Variants in PKD1L1 observed in about 807,000 individuals in gnomAD.
PKD1L1 encodes the protein polycystin 1 like 1, transient receptor potential channel interacting, also known as polycystin-1-like protein 1.
Under a neutral mutation model 323.4 loss-of-function variants are expected in PKD1L1, and 236 were observed. The observed-to-expected ratio is 0.73, with a 90% CI of 0.66 to 0.81. PKD1L1 has a LOEUF of 0.81. Ranked by LOEUF, PKD1L1 falls within the 40% of genes least tolerant of loss-of-function variation. The pLI is 0.00. For synonymous variants in PKD1L1, 1,344 were observed against 1,335.0 expected (o/e 1.01, Z -0.15); for missense variants, 3,320 against 3,508.0 (o/e 0.95, Z 1.35).
intron 54 of PKD1L1, 94 bp downstream of exon 54, chr7:47,800,555 G>A: frequency 7.9e-7 from 1 of 1,273,632 alleles, no homozygotes; most frequent in Middle Eastern, 2.1e-4. Context: ...GGCCTGTGTT[G>A]CCTGGCCCTG....
intron 52 of PKD1L1, 144 bp from the exon 53 acceptor site, chr7:47,803,488 G>A: frequency 1.2e-6 from 1 of 862,886 alleles, no homozygotes; most frequent in East Asian, 2.6e-5. Context: ...GACATCAAGT[G>A]CAGATGTCTG....
At chr7:47,787,568 T>C (rs564240348) in intron 56 of PKD1L1, among the ~76,000 whole-genome samples, 2 of 152,186 alleles carry the variant, frequency 1.3e-5, no homozygotes, top group African/African-American at 2.4e-5. Context: ...CAATAGTGTG[T>C]GTTGTGTATA....
intron 30 of PKD1L1, among the ~76,000 whole-genome samples, chr7:47,854,588 T>C (rs998244826): frequency 5.9e-5 from 9 of 152,066 alleles, no homozygotes; most frequent in African/African-American, 1.9e-4. Context: ...TAAAAAAAAA[T>C]CTTGCTCAGA....
intron 11 of PKD1L1, among the ~76,000 whole-genome samples, 182 bp from the exon 12 acceptor site, chr7:47,904,799 T>C (rs1257742018): frequency 1.3e-5 from 2 of 152,096 alleles, no homozygotes; most frequent in Non-Finnish European, 2.9e-5. Context: ...GGGGTTGATA[T>C]TTTTGACTAC....
chr7:47,846,866 A>G lies in PKD1L1; in HGVS notation c.5153+13T>C, dbSNP rs779751551. The G allele has an allele frequency of 6.3e-7, 1 of 1,587,122 alleles. No homozygotes were observed. Reference sequence around the variant, plus strand: ...ACTAAAAATCTCAGATTCTTTCTCAAATGTGTCTATACCTGCAGTTCACTT... The same window carrying G: ...ACTAAAAATCTCAGATTCTTTCTCAGATGTGTCTATACCTGCAGTTCACTT... On this transcript the variant is annotated intron_variant, in intron 32 of 56. Transcript: ENST00000289672.
At chr7:47,831,849 G>A (rs2128735529) in intron 41 of PKD1L1, among the ~76,000 whole-genome samples, 1 of 152,312 alleles carries the variant, frequency 6.6e-6, no homozygotes, top group South Asian at 2.1e-4. Flanking sequence ...GGCTGACCTG[G>A]AATCTGAGGG....
Position 47,898,030 on chromosome 7 carries a change from C to T in PKD1L1, c.2229G>A (p.Pro743=), listed in dbSNP as rs574158839. Residue 743 remains proline, a synonymous_variant, in exon 14 of 57, where the codon CCG becomes CCA. Transcript: ENST00000289672. ...AGTTCCCATACTCCAAGGTGTGGCT[C>T]GGGAGGATGAGGGTCTGTCTGTGAG... ...VDTHRQTLIL[P]SHTLEYGNYT... 4.0e-5 allele frequency: 65 copies of T among 1,613,026 alleles called. No individual in the cohort carries two copies. The highest frequency in any genetic ancestry group is 2.7e-4 in the Admixed American group (16 of 59,988).
chr7:47,793,263 T>C (rs1786995312), intron 55 of PKD1L1, among the ~76,000 whole-genome samples: 1 of 152,194 alleles, frequency 6.6e-6, no homozygotes, highest in African/African-American at 2.4e-5. Flanking sequence ...CCTTACTGGA[T>C]GATGCTTAAA....
chr7:47,879,469 T>TA (rs1786482434), intron 21 of PKD1L1, among the ~76,000 whole-genome samples: 1 of 151,624 alleles, frequency 6.6e-6, no homozygotes, highest in South Asian at 2.1e-4. Flanking sequence ...CCCACTCTAC[T>TA]AAAAATACAA....
chr7:47,837,374 C>T (rs1785481522), intron 36 of PKD1L1, among the ~76,000 whole-genome samples: 3 of 152,168 alleles, frequency 2.0e-5, no homozygotes, highest in African/African-American at 7.2e-5. Context: ...GCTGCTCCTC[C>T]TTCAGCCTTC....
intron 13 of PKD1L1, among the ~76,000 whole-genome samples, chr7:47,901,343 A>G (rs184946469): frequency 0.019 from 2,805 of 151,208 alleles, 26 homozygotes; most frequent in Non-Finnish European, 0.028. Flanking sequence ...AAAAAAAAAA[A>G]AAAAAGAAAA....
chr7:47,842,149 A>G (rs1785574806), intron 34 of PKD1L1, among the ~76,000 whole-genome samples: 2 of 152,186 alleles, frequency 1.3e-5, no homozygotes, highest in Non-Finnish European at 2.9e-5. Context: ...GAACATTCCT[A>G]TGTGTATGCA....
At chr7:47,796,486 T>A (rs1366943732) in intron 54 of PKD1L1, among the ~76,000 whole-genome samples, 1 of 152,200 alleles carries the variant, frequency 6.6e-6, no homozygotes, top group Non-Finnish European at 1.5e-5. Context: ...GGTGAACCAT[T>A]CTGAGCTGTG....
At chr7:47,960,404 A>AAAAAAAAAAAAAAAAAAAAACT in the PKD1L1 span, among the ~76,000 whole-genome samples, 1 of 147,072 alleles carries the variant, frequency 6.8e-6, no homozygotes, top group Admixed American at 6.7e-5. Flanking sequence ...ACTGTAAAAA[A>AAAAAAAAAAAAAAAAAAAAACT]GAAAAAAAAA....
rs768067457 is a variant in PKD1L1 at position 47,840,617 on chromosome 7, C to G, written c.5446-50G>C. On this transcript the variant is annotated intron_variant, in intron 34 of 56. Transcript: ENST00000289672. The surrounding 1 kb of genome is among the most constrained non-coding windows in gnomAD (Gnocchi z 4.1). Reference sequence around the variant, plus strand: ...AACTCAGGCTATTTCACAGCAGACACCATGCAATGCTGGGCAGGGCTTCCT... The same window carrying G: ...AACTCAGGCTATTTCACAGCAGACAGCATGCAATGCTGGGCAGGGCTTCCT... 1 of 1,376,178 alleles carries G rather than the reference C, an allele frequency of 7.3e-7. No homozygotes were observed. The allele number at this position is 1,376,178 out of a possible 1,614,324, so 85.2% of individuals were successfully genotyped here.
At chr7:47,877,267 A>G (rs999149223) in intron 22 of PKD1L1, among the ~76,000 whole-genome samples, 3 of 152,098 alleles carry the variant, frequency 2.0e-5, no homozygotes, top group African/African-American at 7.2e-5. Context: ...TCTTTGTGAA[A>G]TTCTGAACCT....
chr7:47,809,597 C>A lies in PKD1L1; in HGVS notation c.7582-20G>T. The A allele has an allele frequency of 6.6e-7, 1 of 1,512,242 alleles. No individual in the cohort carries two copies. The highest frequency in any genetic ancestry group is 9.0e-7 in the Non-Finnish European group (1 of 1,115,318). 93.7% of individuals were successfully genotyped at this position (1,512,242 alleles called of 1,614,324 possible). ...GACCAGCTGGTGGAGAGAATGTAAA[C>A]AAACAAGATCAATAGGAATGCTGAT... On this transcript the variant is annotated intron_variant, in intron 50 of 56. Coordinates refer to ENST00000289672, the MANE Select transcript of PKD1L1 (RefSeq NM_138295.5).
intron 25 of PKD1L1, 58 bp from the exon 26 acceptor site, chr7:47,865,330 T>G: frequency 1.4e-6 from 2 of 1,467,776 alleles, no homozygotes; most frequent in Non-Finnish European, 1.9e-6. Context: ...GGAAATTAGC[T>G]TGTTTGGGTT....
rs547838337 is a variant in PKD1L1, at chr7:47,908,744, G to A, written c.1229-494C>T. ...AATACAACTATAATATGACTCTGTG[G>A]CTCCTCTCATTAAGTGGAGAAGACT... On this transcript the variant is annotated intron_variant, in intron 8 of 56. Coordinates refer to ENST00000289672, the MANE Select transcript of PKD1L1 (RefSeq NM_138295.5). Among the ~76,000 whole-genome samples, 6 of 152,308 alleles carry A rather than the reference G, an allele frequency of 3.9e-5. No homozygotes were observed. In the East Asian group the frequency reaches 7.7e-4, roughly 20 times the overall value.
Sources: gnomAD v4.1 joint callset for allele counts (sites outside exome capture counted in the v4.1 genomes callset) on GRCh38, gnomAD v4.1.1 for gene constraint, Gnocchi (gnomAD v3.1) non-coding constraint, MANE v1.5 for transcripts, NCBI Gene and HGNC (gene_info 2026-07-23, HGNC 2026-07-21) for gene names.